The following NCOR2 variants were observed in gnomAD, a reference collection of about 807,000 sequenced individuals.
The protein encoded by NCOR2 is nuclear receptor corepressor 2.
NCOR2 carries 81 observed loss-of-function variants against 262.9 expected under a neutral mutation model. The ratio of observed to expected loss-of-function variants is 0.31; its 90% CI spans 0.26 to 0.37. The LOEUF (loss-of-function observed/expected upper bound fraction) is 0.37, where lower values mean the gene tolerates loss of function less well. Among genes scored for constraint, NCOR2 ranks in the 10% least tolerant of loss-of-function variants. The probability of loss-of-function intolerance (pLI) is 1.00; values close to 1 mark genes in which losing one functional copy is unlikely to be tolerated. For missense variants in NCOR2, 3,385 were observed against 3,621.4 expected, an observed-to-expected ratio of 0.93 and a Z score of 1.68; for synonymous variants, 1,659 against 1,559.3, an observed-to-expected ratio of 1.06 and a Z score of -1.51.
chr12:124,458,659 TAGC>T (rs1368533948), intron 5 of NCOR2, among the ~76,000 whole-genome samples: 1 of 151,802 alleles, frequency 6.6e-6, no homozygotes, highest in Non-Finnish European at 1.5e-5. Flanking sequence ...CAGGCAGGAG[TAGC>T]CCCATCTCAC....
At chr12:124,372,157 A>G in exon 20 of NCOR2, 1 of 1,601,088 alleles carries the variant, frequency 6.2e-7, no homozygotes, top group Non-Finnish European at 8.5e-7. Flanking sequence ...CTCTGCCTTG[A>G]GCGCCCCCTC....
At chr12:124,553,728 C>T (rs981019256) in intron 1 of NCOR2, among the ~76,000 whole-genome samples, 5 of 152,178 alleles carry the variant, frequency 3.3e-5, no homozygotes, top group African/African-American at 7.2e-5. Flanking sequence ...ACAAATGGCC[C>T]GATTGTACAG....
At chr12:124,407,820 C>T (rs571796126) in intron 13 of NCOR2, among the ~76,000 whole-genome samples, 1 of 152,216 alleles carries the variant, frequency 6.6e-6, no homozygotes, top group Non-Finnish European at 1.5e-5. Context: ...CCTGAGAGGG[C>T]GCATCCTCAT....
chr12:124,425,563 TG>T lies in NCOR2; in HGVS notation c.1328+1058del, dbSNP rs1457765952. On this transcript the variant is annotated intron_variant, in intron 11 of 46. Coordinates refer to ENST00000405201, the Ensembl canonical transcript of NCOR2. ...ATTATAGCACACTGTCCCTAAGGCG[TG>T]GGGTGGCTCAGCAGGGCCCACGATC... 2.6e-5 allele frequency among the ~76,000 whole-genome samples: 4 copies of T among 151,928 alleles called. No individual in the cohort carries two copies. The East Asian group carries it at 7.7e-4, about 29-fold the overall frequency.
At chr12:124,417,188 C>T (rs1279237442) in intron 13 of NCOR2, among the ~76,000 whole-genome samples, 3 of 148,682 alleles carry the variant, frequency 2.0e-5, no homozygotes, top group African/African-American at 5.0e-5. Flanking sequence ...CAGAGCAGGC[C>T]GGACACTCAC....
At chr12:124,499,080 C>T (rs533871126), upstream of NCOR2, among the ~76,000 whole-genome samples, 4 of 151,996 alleles carry the variant, frequency 2.6e-5, no homozygotes, top group African/African-American at 7.2e-5. Context: ...TGCAGCACTG[C>T]GAATAGGGAA....
chr12:124,498,759 C>G (rs1446368052), upstream of NCOR2, among the ~76,000 whole-genome samples: 2 of 152,126 alleles, frequency 1.3e-5, no homozygotes, highest in Non-Finnish European at 2.9e-5. Context: ...AAAGGCAGAC[C>G]CAGCAAAAAT....
At chr12:124,416,099 C>A (rs2042844368) in intron 13 of NCOR2, among the ~76,000 whole-genome samples, 1 of 152,166 alleles carries the variant, frequency 6.6e-6, no homozygotes, top group African/African-American at 2.4e-5. Context: ...CAAGCGTCCA[C>A]TGGAGCTGAG....
At chr12:124,451,926 C>T (rs1315039935) in intron 6 of NCOR2, among the ~76,000 whole-genome samples, 1 of 149,516 alleles carries the variant, frequency 6.7e-6, no homozygotes, top group Non-Finnish European at 1.5e-5. Flanking sequence ...GTCGCCTTTC[C>T]CCCTGTAGCC....
At chr12:124,411,383 G>A (rs540981660) in intron 13 of NCOR2, among the ~76,000 whole-genome samples, 12 of 152,302 alleles carry the variant, frequency 7.9e-5, no homozygotes, top group South Asian at 6.2e-4. Flanking sequence ...GAGAGTGGAC[G>A]GCAGCAGTCG....
chr12:124,359,434 C>T (rs907998514), intron 22 of NCOR2, among the ~76,000 whole-genome samples: 5 of 152,236 alleles, frequency 3.3e-5, no homozygotes, highest in Non-Finnish European at 5.9e-5. Flanking sequence ...CCAAATTGCC[C>T]CCAATTCTCT....
At chr12:124,364,376 TG>T (rs951808784) in intron 20 of NCOR2, among the ~76,000 whole-genome samples, 11 of 151,224 alleles carry the variant, frequency 7.3e-5, no homozygotes, top group Admixed American at 5.9e-4. Context: ...GAGGCAGGAG[TG>T]GGGGAGCTGC....
At chr12:124,329,076 A>C in intron 44 of NCOR2, 1 of 469,464 alleles carries the variant, frequency 2.1e-6, no homozygotes, top group Non-Finnish European at 4.4e-6. Context: ...AGGCTTAACG[A>C]TCTCCATTTA....
chr12:124,338,487 G>T (rs189938984), intron 37 of NCOR2, among the ~76,000 whole-genome samples: 1 of 142,332 alleles, frequency 7.0e-6, no homozygotes, highest in Non-Finnish European at 1.5e-5. Context: ...CAGCCTGGGC[G>T]ACAGAGTACA....
At position 124,373,318 on chromosome 12, in the gene NCOR2, T is replaced by C. The variant is rs2039669162; in HGVS notation, c.2219-708A>G. Among the ~76,000 whole-genome samples the C allele has an allele frequency of 9.9e-5, 2 of 20,114 alleles. 1 individual carries two copies. The highest frequency in any genetic ancestry group is 2.4e-4 in the African/African-American group (2 of 8,316). The allele number at this position is 20,114 out of a possible 152,430, so 13.2% of individuals were successfully genotyped here. ...GCAGGGGCCCGGGCACAGTGGACAA[T>C]CATGAGGCCAGTGCGTGTGCAGGGG... is the stretch of plus-strand genomic sequence containing the variant. On this transcript the variant is annotated intron_variant, in intron 19 of 46. Transcript: ENST00000405201.
intron 11 of NCOR2, among the ~76,000 whole-genome samples, chr12:124,423,912 C>T (rs1043554268): frequency 6.6e-6 from 1 of 152,234 alleles, no homozygotes; most frequent in Non-Finnish European, 1.5e-5. Context: ...ATGGCCAGCA[C>T]GTGGTGGAGC....
In NCOR2 at chr12:124,495,157, C is replaced by T; in HGVS notation, c.95G>A (p.Arg32Gln). The change falls in exon 1 of 47, where the codon CGG becomes CAG. Residue 32 changes from arginine (R) to glutamine (Q), a missense_variant. Around this residue, in one of 5 missense-constraint regions of NCOR2, gnomAD observed 237 missense variants for 229.4 expected, o/e 1.03. Coordinates refer to ENST00000405201, the Ensembl canonical transcript of NCOR2. This position sits in a 1 kb window ranked among gnomAD's most constrained non-coding sequence, Gnocchi z 4.4. ...TGTGCACCCCCTTACCGTGTGCGTCCGGGCGATCTGCACTGGGTAGGAAAG... is the reference window on the plus strand; with the variant it reads ...TGTGCACCCCCTTACCGTGTGCGTCTGGGCGATCTGCACTGGGTAGGAAAG... The T allele has an allele frequency of 1.2e-6, 2 of 1,613,752 alleles. No individual in the cohort carries two copies. Among genetic ancestry groups the T allele is most frequent in the Non-Finnish European group, 1.7e-6 (2 of 1,179,888 alleles).
chr12:124,506,163 G>A (rs531838319), intron 1 of NCOR2, among the ~76,000 whole-genome samples: 2 of 152,134 alleles, frequency 1.3e-5, no homozygotes, highest in South Asian at 4.2e-4. Context: ...GGCAGCAGAC[G>A]CTCCAGTTCC....
intron 1 of NCOR2, among the ~76,000 whole-genome samples, chr12:124,557,967 G>C (rs897297744): frequency 1.3e-5 from 2 of 152,034 alleles, no homozygotes; most frequent in East Asian, 3.9e-4. Context: ...CCCAGCCTAG[G>C]GAAAAGCCCA....
Sources: allele counts gnomAD v4.1 joint callset (sites outside exome capture counted in the v4.1 genomes callset), GRCh38; gene constraint gnomAD v4.1.1; regional missense constraint gnomAD v4.1.1; non-coding constraint Gnocchi (gnomAD v3.1); transcripts MANE v1.5; gene names NCBI Gene and HGNC (gene_info 2026-07-23, HGNC 2026-07-21).